Variants in AGPAT4 observed in about 807,000 individuals in gnomAD.
AGPAT4 encodes the protein 1-acyl-sn-glycerol-3-phosphate acyltransferase delta.
A neutral mutation model predicts 48.0 loss-of-function variants in AGPAT4; 15 were observed. That is an observed-to-expected ratio of 0.31 (90% confidence interval 0.21 to 0.48). The LOEUF is 0.48. Ranked by LOEUF, AGPAT4 falls within the 20% of genes least tolerant of loss-of-function variation. AGPAT4 has a pLI of 0.99. For missense variants in AGPAT4, 314 were observed against 482.5 expected, an observed-to-expected ratio of 0.65 and a Z score of 3.27; for synonymous variants, 178 against 198.7, an observed-to-expected ratio of 0.90 and a Z score of 0.88.
At position 161,184,570 on chromosome 6, in the gene AGPAT4, C is replaced by G. The variant is rs1393360590; in HGVS notation, c.179-18153G>C. Among the ~76,000 whole-genome samples the G allele has an allele frequency of 6.6e-6, 1 of 151,984 alleles. No homozygotes were observed. Among genetic ancestry groups the G allele is most frequent in the East Asian group, 1.9e-4 (1 of 5,172 alleles). ...GGCCTCCCCTGGCCCTGCCCCGGAC[C>G]CCCCATTCCCACCTGTCATCCTCTG... On this transcript the variant is annotated intron_variant, in intron 2 of 8. Transcript: ENST00000320285. The surrounding 1 kb of genome is among the most constrained non-coding windows in gnomAD (Gnocchi z 4.8).
rs981077665 is a variant in AGPAT4 at position 161,141,724 on chromosome 6, AG to A, written c.844-2105del. On this transcript the variant is annotated intron_variant, in intron 7 of 8. Transcript: ENST00000320285. The surrounding 1 kb of genome is among the most constrained non-coding windows in gnomAD (Gnocchi z 6.7). ...GTGCTTTTTTACAGTAATATCACAA[AG>A]GGGAACTCACCATGGTGCCTTTTCT... 2.0e-5 allele frequency among the ~76,000 whole-genome samples: 3 copies of A among 152,222 alleles called. No homozygotes were observed. Among genetic ancestry groups the A allele is most frequent in the African/African-American group, 7.2e-5 (3 of 41,452 alleles).
At chr6:161,185,328 T>C (rs1780739109) in intron 2 of AGPAT4, among the ~76,000 whole-genome samples, 3 of 146,926 alleles carry the variant, frequency 2.0e-5, no homozygotes, top group African/African-American at 7.6e-5. Flanking sequence ...TCTCACTCCG[T>C]CACCCAGGCT....
At position 161,232,277 on chromosome 6, in the gene AGPAT4, G is replaced by A. The variant is rs1782144141; in HGVS notation, c.-64C>T. On this transcript the variant is annotated 5_prime_UTR_variant, in exon 2 of 9. Transcript: ENST00000320285. The surrounding 1 kb of genome is among the most constrained non-coding windows in gnomAD (Gnocchi z 6.8). ...CACAGTCAAAGATTTCCAGAAGGAA[G>A]AAAGATCCAGGACTCAGGAAGGCGT... 2 of 1,514,330 alleles carry A rather than the reference G, an allele frequency of 1.3e-6. No homozygotes were observed. The highest frequency in any genetic ancestry group is 9.0e-7 in the Non-Finnish European group (1 of 1,114,326). The allele number at this position is 1,514,330 out of a possible 1,614,324, so 93.8% of individuals were successfully genotyped here. A position where few individuals can be genotyped will look rare whatever the true frequency, so the allele number is the denominator to read the frequency against.
Position 161,232,340 on chromosome 6 carries a change from C to A in AGPAT4, c.-89-38G>T. 1 of 943,356 alleles carries A rather than the reference C, an allele frequency of 1.1e-6. No homozygotes were observed. 58.4% of individuals were successfully genotyped at this position (943,356 alleles called of 1,614,324 possible). On this transcript the variant is annotated intron_variant, in intron 1 of 8. Transcript: ENST00000320285. The surrounding 1 kb of genome is among the most constrained non-coding windows in gnomAD (Gnocchi z 6.8). ...CAAATAGGAAATGTTAGCAAAAACA[C>A]GATGTGCTTTTAGAGTCAGAAAAAA... is the stretch of plus-strand genomic sequence containing the variant.
At chr6:161,188,673 T>G (rs1317626390) in intron 2 of AGPAT4, among the ~76,000 whole-genome samples, 2 of 152,234 alleles carry the variant, frequency 1.3e-5, no homozygotes, top group East Asian at 3.8e-4. Flanking sequence ...GAATTTTTAT[T>G]TGTTAAATCT....
At position 161,159,801 on chromosome 6, in the gene AGPAT4, G is replaced by C. The variant is rs1282172143; in HGVS notation, c.349-5491C>G. ...TGGGATTACAGGCACCTGCCACCGT[G>C]CCTGGCTAATTTTTTGTATTGTTAG... On this transcript the variant is annotated intron_variant, in intron 3 of 8. Transcript: ENST00000320285. The surrounding 1 kb of genome is among the most constrained non-coding windows in gnomAD (Gnocchi z 4.1). 7.1e-6 allele frequency among the ~76,000 whole-genome samples: 1 copy of C among 141,436 alleles called. No homozygotes were observed. The allele number at this position is 141,436 out of a possible 152,430, so 92.8% of individuals were successfully genotyped here. A position where few individuals can be genotyped will look rare whatever the true frequency, so the allele number is the denominator to read the frequency against.
In AGPAT4 at chr6:161,234,799, G is replaced by A. The variant is rs138908203; in HGVS notation, c.-89-2497C>T. On this transcript the variant is annotated intron_variant, in intron 1 of 8. Coordinates refer to ENST00000320285, the MANE Select transcript of AGPAT4 (RefSeq NM_020133.3). The surrounding 1 kb of genome is among the most constrained non-coding windows in gnomAD (Gnocchi z 4.4). ...TAAGAAAAGGAAGCCAGCTGACATCGGAAATGCAGGGGGTTAAATGCTGCC... is the reference window on the plus strand; with the variant it reads ...TAAGAAAAGGAAGCCAGCTGACATCAGAAATGCAGGGGGTTAAATGCTGCC... 4.4e-4 allele frequency among the ~76,000 whole-genome samples: 67 copies of A among 152,092 alleles called. No homozygotes were observed. Among genetic ancestry groups the A allele is most frequent in the African/African-American group, 1.4e-3 (59 of 41,492 alleles).
chr6:161,182,400 T>C (rs1583308991), intron 2 of AGPAT4, among the ~76,000 whole-genome samples: 4 of 77,340 alleles, frequency 5.2e-5, no homozygotes, highest in South Asian at 4.9e-4. Context: ...ACCCCAGCCC[T>C]GCATCCCAGC....
chr6:161,256,469 G>A (rs767128933), intron 1 of AGPAT4, among the ~76,000 whole-genome samples: 2 of 152,216 alleles, frequency 1.3e-5, no homozygotes, highest in Non-Finnish European at 2.9e-5. Flanking sequence ...CACCACCAGC[G>A]CTGCTCTCTG....
rs528587039 is a variant in AGPAT4, at chr6:161,236,194, G to A, written c.-89-3892C>T. On this transcript the variant is annotated intron_variant, in intron 1 of 8. Coordinates refer to ENST00000320285, the MANE Select transcript of AGPAT4 (RefSeq NM_020133.3). This position sits in a 1 kb window ranked among gnomAD's most constrained non-coding sequence, Gnocchi z 5.0. ...ATGACAAAGAACTTATGCTGTTTCTGAGCATATCAGAGCGCTACTTACAGA... is the reference window on the plus strand; with the variant it reads ...ATGACAAAGAACTTATGCTGTTTCTAAGCATATCAGAGCGCTACTTACAGA... Among the ~76,000 whole-genome samples the A allele has an allele frequency of 6.6e-6, 1 of 152,068 alleles. No homozygotes were observed. Among genetic ancestry groups the A allele is most frequent in the South Asian group, 2.1e-4 (1 of 4,806 alleles).
In AGPAT4 at chr6:161,184,996, C is replaced by G. The variant is rs1314817881; in HGVS notation, c.179-18579G>C. On this transcript the variant is annotated intron_variant, in intron 2 of 8. Transcript: ENST00000320285. The surrounding 1 kb of genome is among the most constrained non-coding windows in gnomAD (Gnocchi z 4.8). The stretch of plus-strand genomic sequence containing the variant: ...CCAGAGCACAGGAGGTTCTACGAGG[C>G]AGTGCTGGGCTTTTCACAAATTAAG... Among the ~76,000 whole-genome samples the G allele has an allele frequency of 6.6e-6, 1 of 151,974 alleles. No individual in the cohort carries two copies. The highest frequency in any genetic ancestry group is 2.4e-5 in the African/African-American group (1 of 41,346).
Position 161,238,182 on chromosome 6 carries a change from G to A in AGPAT4, c.-89-5880C>T, listed in dbSNP as rs181912730. Among the ~76,000 whole-genome samples the A allele has an allele frequency of 2.5e-3, 387 of 152,238 alleles. 1 individual carries two copies. Among genetic ancestry groups the A allele is most frequent in the Non-Finnish European group, 4.6e-3 (312 of 68,014 alleles). Reference sequence around the variant, plus strand: ...CAGTCTGGCTACAAATCCAGGCCTGGCCACTTTACAGCTATGGAAGTTGAT... The same window carrying A: ...CAGTCTGGCTACAAATCCAGGCCTGACCACTTTACAGCTATGGAAGTTGAT... On this transcript the variant is annotated intron_variant, in intron 1 of 8. Coordinates refer to ENST00000320285, the MANE Select transcript of AGPAT4 (RefSeq NM_020133.3). This position sits in a 1 kb window ranked among gnomAD's most constrained non-coding sequence, Gnocchi z 5.2.
rs1194577238 is a variant in AGPAT4 at position 161,223,427 on chromosome 6, G to C, written c.178+8609C>G. On this transcript the variant is annotated intron_variant, in intron 2 of 8. Coordinates refer to ENST00000320285, the MANE Select transcript of AGPAT4 (RefSeq NM_020133.3). This position sits in a 1 kb window ranked among gnomAD's most constrained non-coding sequence, Gnocchi z 6.3. ...TGGAAAAGGGGATTTTGGAATCTCA[G>C]CTCTCCTCCTCTCTGTTCGGCCTTA... 6.6e-6 allele frequency among the ~76,000 whole-genome samples: 1 copy of C among 152,176 alleles called. No homozygotes were observed. The highest frequency in any genetic ancestry group is 1.5e-5 in the Non-Finnish European group (1 of 68,026).
At position 161,272,415 on chromosome 6, in the gene AGPAT4, G is replaced by A. The variant is rs1783452879; in HGVS notation, c.-90+1523C>T. The stretch of plus-strand genomic sequence containing the variant: ...TATTTTATAAAAGCTAATTATTTGG[G>A]ATGCCCATCAGAAGAATGGTATCCC... On this transcript the variant is annotated intron_variant, in intron 1 of 8. Transcript: ENST00000320285. This position sits in a 1 kb window ranked among gnomAD's most constrained non-coding sequence, Gnocchi z 4.2. Among the ~76,000 whole-genome samples the A allele has an allele frequency of 6.6e-6, 1 of 152,080 alleles. No homozygotes were observed. Among genetic ancestry groups the A allele is most frequent in the African/African-American group, 2.4e-5 (1 of 41,390 alleles).
chr6:161,186,965 C>T (rs1374425861), intron 2 of AGPAT4, among the ~76,000 whole-genome samples: 1 of 152,204 alleles, frequency 6.6e-6, no homozygotes, highest in Non-Finnish European at 1.5e-5. Flanking sequence ...CTTCAACTCG[C>T]CTGAATCCCC....
chr6:161,231,491 A>G lies in AGPAT4; in HGVS notation c.178+545T>C, dbSNP rs974041926. On this transcript the variant is annotated intron_variant, in intron 2 of 8. Coordinates refer to ENST00000320285, the MANE Select transcript of AGPAT4 (RefSeq NM_020133.3). This position sits in a 1 kb window ranked among gnomAD's most constrained non-coding sequence, Gnocchi z 5.3. Reference sequence around the variant, plus strand: ...TTCCAGTGGTGCAAGATGCTACCATAGGGAGAAACTGGCCAAGGAGTGTAC... The same window carrying G: ...TTCCAGTGGTGCAAGATGCTACCATGGGGAGAAACTGGCCAAGGAGTGTAC... Among the ~76,000 whole-genome samples, 2 of 152,214 alleles carry G rather than the reference A, an allele frequency of 1.3e-5. No homozygotes were observed. Among genetic ancestry groups the G allele is most frequent in the Non-Finnish European group, 2.9e-5 (2 of 68,040 alleles).
chr6:161,257,681 C>T (rs1014819667), intron 1 of AGPAT4, among the ~76,000 whole-genome samples: 2 of 151,078 alleles, frequency 1.3e-5, no homozygotes, highest in East Asian at 3.9e-4. Flanking sequence ...TATGAGAAGT[C>T]AATTTAAATT....
chr6:161,171,996 T>C lies in AGPAT4; in HGVS notation c.179-5579A>G, dbSNP rs1194391157. ...TAGCATCCCTGAAATATTTACCTTCTTGTCTAGGCATCCAAACTAACACAT... is the reference window on the plus strand; with the variant it reads ...TAGCATCCCTGAAATATTTACCTTCCTGTCTAGGCATCCAAACTAACACAT... On this transcript the variant is annotated intron_variant, in intron 2 of 8. Coordinates refer to ENST00000320285, the MANE Select transcript of AGPAT4 (RefSeq NM_020133.3). This position sits in a 1 kb window ranked among gnomAD's most constrained non-coding sequence, Gnocchi z 4.4. 6.6e-6 allele frequency among the ~76,000 whole-genome samples: 1 copy of C among 152,192 alleles called. No homozygotes were observed. The highest frequency in any genetic ancestry group is 2.4e-5 in the African/African-American group (1 of 41,458).
chr6:161,141,381 C>G lies in AGPAT4; in HGVS notation c.844-1761G>C, dbSNP rs774232272. Reference sequence around the variant, plus strand: ...CACTCCTACCCTCAAGCAGTGAGAGCGATCAGATGGTGGAGGAGACAAGGA... The same window carrying G: ...CACTCCTACCCTCAAGCAGTGAGAGGGATCAGATGGTGGAGGAGACAAGGA... On this transcript the variant is annotated intron_variant, in intron 7 of 8. Coordinates refer to ENST00000320285, the MANE Select transcript of AGPAT4 (RefSeq NM_020133.3). This position sits in a 1 kb window ranked among gnomAD's most constrained non-coding sequence, Gnocchi z 6.7. 6.6e-6 allele frequency among the ~76,000 whole-genome samples: 1 copy of G among 152,014 alleles called. No individual in the cohort carries two copies. The highest frequency in any genetic ancestry group is 1.5e-5 in the Non-Finnish European group (1 of 68,014).
Sources: gnomAD v4.1 joint callset for allele counts (sites outside exome capture counted in the v4.1 genomes callset) on GRCh38, gnomAD v4.1.1 for gene constraint, Gnocchi (gnomAD v3.1) non-coding constraint, MANE v1.5 for transcripts, NCBI Gene and HGNC (gene_info 2026-07-23, HGNC 2026-07-21) for gene names.